The following CHSY1 variants were observed in gnomAD, a reference collection of about 807,000 sequenced individuals.
CHSY1 encodes the protein N-acetylgalactosaminyl-proteoglycan 3-beta-glucuronosyltransferase 1.
In CHSY1, 13 loss-of-function variants were observed where a neutral mutation model predicts 59.8. That is an observed-to-expected ratio of 0.22 (90% CI 0.14 to 0.35). The LOEUF is 0.35. Ranked by LOEUF, CHSY1 falls within the 10% of genes least tolerant of loss-of-function variation. CHSY1 has a pLI of 1.00. For synonymous variants in CHSY1, 459 were observed against 401.2 expected, an observed-to-expected ratio of 1.14 and a Z score of -1.72; for missense variants, 947 against 1,030.6, an observed-to-expected ratio of 0.92 and a Z score of 1.11.
chr15:101,215,958 A>G (rs911003691), intron 2 of CHSY1, among the ~76,000 whole-genome samples: 8 of 152,188 alleles, frequency 5.3e-5, no homozygotes, highest in African/African-American at 1.9e-4. Context: ...ACAATCATAA[A>G]AAGAACATTA....
At chr15:101,243,607 G>A (rs918858189) in intron 1 of CHSY1, among the ~76,000 whole-genome samples, 5 of 152,118 alleles carry the variant, frequency 3.3e-5, no homozygotes, top group East Asian at 1.9e-4. Flanking sequence ...CCAGGCTCAC[G>A]GACACTGCTA....
chr15:101,200,562 T>C (rs2038562895), intron 2 of CHSY1, among the ~76,000 whole-genome samples: 1 of 152,154 alleles, frequency 6.6e-6, no homozygotes, highest in Admixed American at 6.5e-5. Context: ...CCATGAAAGA[T>C]GCACTGACTA....
rs1445438013 is a variant in CHSY1 at position 101,230,505 on chromosome 15, C to T, written c.816+4577G>A. Among the ~76,000 whole-genome samples, 7 of 152,300 alleles carry T rather than the reference C, an allele frequency of 4.6e-5. No individual in the cohort carries two copies. The East Asian group carries it at 9.6e-4, about 21-fold the overall frequency. ...TCCTTATACAACATATACATGAATA[C>T]ATTAAACCATACTCCATAAATATGT... On this transcript the variant is annotated intron_variant, in intron 2 of 2. Transcript: ENST00000254190.
At chr15:101,215,636 G>A (rs757954502) in intron 2 of CHSY1, among the ~76,000 whole-genome samples, 1 of 152,216 alleles carries the variant, frequency 6.6e-6, no homozygotes, top group Non-Finnish European at 1.5e-5. Context: ...CCAGGAGGCC[G>A]AGGCAGGAGA....
intron 2 of CHSY1, among the ~76,000 whole-genome samples, chr15:101,199,337 A>C (rs1350386647): frequency 3.3e-5 from 5 of 152,182 alleles, no homozygotes; most frequent in Non-Finnish European, 7.3e-5. Context: ...CTCCGTCTCT[A>C]CTAAAAATAC....
At position 101,177,626 on chromosome 15, in the gene CHSY1, A is replaced by G; in HGVS notation, c.2171T>C (p.Phe724Ser). 1 of 1,614,160 alleles carries G rather than the reference A, an allele frequency of 6.2e-7. No individual in the cohort carries two copies. Among genetic ancestry groups the G allele is most frequent in the African/African-American group, 1.3e-5 (1 of 75,030 alleles). ...QGWGLEDVDLFNKVVQAGLKT... is the reference protein window; with the variant it reads ...QGWGLEDVDLSNKVVQAGLKT... ...CAAACCTGCCTGGACAACCTTGTTGAAAAGGTCCACATCCTCCAGCCCCCA... is the reference window on the plus strand; with the variant it reads ...CAAACCTGCCTGGACAACCTTGTTGGAAAGGTCCACATCCTCCAGCCCCCA... The change falls in exon 3 of 3, where the codon TTC becomes TCC. Residue 724 changes from phenylalanine (F) to serine (S), a missense_variant. This residue lies in a region of CHSY1 where 602 missense variants were observed against 676.9 expected (regional missense o/e 0.89). Coordinates refer to ENST00000254190, the MANE Select transcript of CHSY1 (RefSeq NM_014918.5).
intron 2 of CHSY1, among the ~76,000 whole-genome samples, chr15:101,215,895 ATTAAGG>A (rs1336153328): frequency 6.6e-6 from 1 of 152,214 alleles, no homozygotes; most frequent in African/African-American, 2.4e-5. Context: ...TGCCATTACC[ATTAAGG>A]TTAAGTAATC....
chr15:101,239,545 G>T (rs1226131833), intron 1 of CHSY1, among the ~76,000 whole-genome samples: 1 of 152,196 alleles, frequency 6.6e-6, no homozygotes, highest in African/African-American at 2.4e-5. Context: ...TGAGCTCTCT[G>T]TAAACAGCTT....
In CHSY1 at chr15:101,178,585, G is replaced by C; in HGVS notation, c.1212C>G (p.Ala404=). The C allele has an allele frequency of 6.2e-7, 1 of 1,614,238 alleles. No individual in the cohort carries two copies. Among genetic ancestry groups the C allele is most frequent in the Non-Finnish European group, 8.5e-7 (1 of 1,180,042 alleles). ...TGACCTGCATGACAATGTCGTCCAAGGCTTCCCTCTGGGCGGAGTCCATTC... is the reference window on the plus strand; with the variant it reads ...TGACCTGCATGACAATGTCGTCCAACGCTTCCCTCTGGGCGGAGTCCATTC... ...RRGMDSAQRE[A]LDDIVMQVME... The change falls in exon 3 of 3, where the codon GCC becomes GCG. Residue 404 remains alanine (A), a synonymous_variant. Coordinates refer to ENST00000254190, the MANE Select transcript of CHSY1 (RefSeq NM_014918.5).
At chr15:101,190,508 A>T (rs1046775682) in intron 2 of CHSY1, among the ~76,000 whole-genome samples, 3 of 152,140 alleles carry the variant, frequency 2.0e-5, no homozygotes, top group Non-Finnish European at 4.4e-5. Flanking sequence ...AAACTGCAAA[A>T]CTCCTAAAGA....
chr15:101,179,553 T>C (rs1205845238), intron 2 of CHSY1, among the ~76,000 whole-genome samples: 2 of 152,222 alleles, frequency 1.3e-5, no homozygotes, highest in Non-Finnish European at 2.9e-5. Flanking sequence ...AAGGCTCTGC[T>C]GAGGTCTCTG....
In CHSY1 at chr15:101,178,386, C is replaced by A. The variant is rs373782542; in HGVS notation, c.1411G>T (p.Ala471Ser). 2 of 1,611,270 alleles carry A rather than the reference C, an allele frequency of 1.2e-6. No homozygotes were observed. Among genetic ancestry groups the A allele is most frequent in the Non-Finnish European group, 1.7e-6 (2 of 1,177,596 alleles). The part of the protein sequence containing the change: ...KKMTVPVRRH[A>S]YLQQTFSKIQ... The stretch of plus-strand genomic sequence containing the variant: ...TTGCTGAAAGTCTGCTGTAAATACG[C>A]GTGCCTCCTCACAGGGACCGTCATT... Residue 471 changes from alanine (A) to serine (S), a missense_variant, in exon 3 of 3, where the codon GCG becomes TCG. Around this residue, in one of 4 missense-constraint regions of CHSY1, gnomAD observed 602 missense variants for 676.9 expected, o/e 0.89. Coordinates refer to ENST00000254190, the MANE Select transcript of CHSY1 (RefSeq NM_014918.5).
At chr15:101,216,569 A>G (rs968722636) in intron 2 of CHSY1, among the ~76,000 whole-genome samples, 8 of 152,266 alleles carry the variant, frequency 5.3e-5, no homozygotes, top group Admixed American at 3.9e-4. Flanking sequence ...CCATCAAGCC[A>G]CACAGAGGCA....
chr15:101,201,374 G>A (rs2038572717), intron 2 of CHSY1, among the ~76,000 whole-genome samples: 1 of 152,200 alleles, frequency 6.6e-6, no homozygotes, highest in African/African-American at 2.4e-5. Context: ...CTGGCAGGAG[G>A]AACCACCAAA....
intron 1 of CHSY1, among the ~76,000 whole-genome samples, chr15:101,246,878 T>A (rs928561872): frequency 6.8e-6 from 1 of 146,710 alleles, no homozygotes; most frequent in South Asian, 2.1e-4. Flanking sequence ...AAAAAGAAAA[T>A]GTTTAAATAT....
intron 1 of CHSY1, among the ~76,000 whole-genome samples, chr15:101,239,209 T>A (rs1445315842): frequency 6.6e-6 from 1 of 152,278 alleles, no homozygotes; most frequent in African/African-American, 2.4e-5. Flanking sequence ...CACTGAATAC[T>A]GCCCACTCAT....
rs150506848 is a variant in CHSY1, at chr15:101,182,949, C to T, written c.817-3969G>A. ...AAAACCCTTGGTGGAACAGAAACAA[C>T]GCAGTGAACAGAAGAAAAACACAAC... On this transcript the variant is annotated intron_variant, in intron 2 of 2. Transcript: ENST00000254190. Among the ~76,000 whole-genome samples the T allele has an allele frequency of 1.2e-3, 180 of 152,200 alleles. 2 individuals carry two copies. The East Asian group carries it at 0.028, about 24-fold the overall frequency.
chr15:101,180,355 C>CA (rs928666481), intron 2 of CHSY1, among the ~76,000 whole-genome samples: 2 of 152,178 alleles, frequency 1.3e-5, no homozygotes, highest in African/African-American at 4.8e-5. Flanking sequence ...CCGCTGTTTC[C>CA]AACTTTCCTT....
chr15:101,236,473 T>C (rs895362433), intron 1 of CHSY1, among the ~76,000 whole-genome samples: 2 of 152,222 alleles, frequency 1.3e-5, no homozygotes, highest in African/African-American at 4.8e-5. Flanking sequence ...TGCCTTTCAC[T>C]TTCCACCATG....
Sources: allele counts gnomAD v4.1 joint callset (sites outside exome capture counted in the v4.1 genomes callset), GRCh38; gene constraint gnomAD v4.1.1; regional missense constraint gnomAD v4.1.1; transcripts MANE v1.5; gene names NCBI Gene and HGNC (gene_info 2026-07-23, HGNC 2026-07-21).